ANKRD26: variants seen among roughly 807,000 people sequenced by gnomAD.
ANKRD26 encodes ankyrin repeat domain-containing protein 26.
In ANKRD26, 141 loss-of-function variants were observed where a neutral mutation model predicts 208.7. The ratio of observed to expected loss-of-function variants is 0.68; its 90% CI spans 0.59 to 0.78. The LOEUF (loss-of-function observed/expected upper bound fraction) is 0.78, where lower values mean the gene tolerates loss of function less well. ANKRD26 is among the 30% of genes least tolerant of loss of function. ANKRD26 has a pLI of 0.00. For synonymous variants in ANKRD26, 636 were observed against 660.4 expected (o/e 0.96, Z 0.57); for missense variants, 1,889 against 1,938.7 (o/e 0.97, Z 0.48).
At chr10:27,092,661 G>C in intron 3 of ANKRD26, 149 bp from the exon 4 acceptor site, 1 of 669,198 alleles carries the variant, frequency 1.5e-6, no homozygotes, top group Non-Finnish European at 2.6e-6. Context: ...CCCCTCCTCT[G>C]CCTCACCACA....
In ANKRD26 at chr10:27,077,545, A is replaced by C. The variant is rs1298014649; in HGVS notation, c.875-5T>G. 4 of 1,613,452 alleles carry C rather than the reference A, an allele frequency of 2.5e-6. No individual in the cohort carries two copies. The highest frequency in any genetic ancestry group is 3.4e-6 in the Non-Finnish European group (4 of 1,179,438). Reference sequence around the variant, plus strand: ...CAGTGCCATATGTTGCTTCTACTACAGTAAAAACAAAATAAAGAGTAAATG... The same window carrying C: ...CAGTGCCATATGTTGCTTCTACTACCGTAAAAACAAAATAAAGAGTAAATG... On this transcript the variant is annotated splice_region_variant and splice_polypyrimidine_tract_variant and intron_variant, in intron 8 of 33. Transcript: ENST00000376087.
At chr10:27,088,602 C>A (rs1334581173) in intron 4 of ANKRD26, among the ~76,000 whole-genome samples, 7 of 152,120 alleles carry the variant, frequency 4.6e-5, no homozygotes, top group Non-Finnish European at 7.3e-5. Context: ...GGGAGATTTT[C>A]ATTATGAAAA....
rs1454901004 is a variant in ANKRD26, at chr10:27,100,199, C to G, written c.128G>C (p.Arg43Pro). 5 of 1,613,804 alleles carry G rather than the reference C, an allele frequency of 3.1e-6. No individual in the cohort carries two copies. Among genetic ancestry groups the G allele is most frequent in the Middle Eastern group, 1.6e-4 (1 of 6,062 alleles). Residue 43 changes from arginine (R) to proline (P), a missense_variant, in exon 1 of 34, where the codon CGA becomes CCA. By Grantham distance (103) the Arg-to-Pro change is moderately radical (BLOSUM62 -2). Transcript: ENST00000376087. Reference protein sequence around the residue: ...GAYSQPGYHVRDRDLGKIHKA... With the variant: ...GAYSQPGYHVPDRDLGKIHKA... ...GTGGATCTTGCCGAGATCTCGGTCTCGGACGTGGTAGCCGGGCTGCGAGTA... is the reference window on the plus strand; with the variant it reads ...GTGGATCTTGCCGAGATCTCGGTCTGGGACGTGGTAGCCGGGCTGCGAGTA...
At chr10:27,089,315 G>T (rs1369152728) in intron 4 of ANKRD26, among the ~76,000 whole-genome samples, 1 of 152,192 alleles carries the variant, frequency 6.6e-6, no homozygotes, top group Non-Finnish European at 1.5e-5. Flanking sequence ...CATAGCAGAT[G>T]GCCCCCAGGG....
chr10:27,057,553 C>G (rs1322722162), intron 15 of ANKRD26, among the ~76,000 whole-genome samples: 1 of 152,136 alleles, frequency 6.6e-6, no homozygotes, highest in Non-Finnish European at 1.5e-5. Flanking sequence ...TAAATAAAAA[C>G]TTATTACAAT....
rs2052812749 is a variant in ANKRD26 at position 27,004,777 on chromosome 10, CT to C, written c.*812del. 1.3e-5 allele frequency: 2 copies of C among 152,326 alleles called. No individual in the cohort carries two copies. The highest frequency in any genetic ancestry group is 4.8e-5 in the African/African-American group (2 of 41,306). The allele number at this position is 152,326 out of a possible 1,614,324, so 9.4% of individuals were successfully genotyped here. On this transcript the variant is annotated 3_prime_UTR_variant, in exon 34 of 34. Transcript: ENST00000376087. ...GAGGAACTGTTCCAGACTGAAAGAT[CT>C]AACAGATACAACAACTAAATACAAG...
intron 9 of ANKRD26, among the ~76,000 whole-genome samples, chr10:27,067,902 G>C (rs2055324090): frequency 6.6e-6 from 1 of 152,138 alleles, no homozygotes; most frequent in Non-Finnish European, 1.5e-5. Flanking sequence ...ATAAACAGAA[G>C]ACAGATTCTG....
the ANKRD26 span, among the ~76,000 whole-genome samples, chr10:26,963,251 C>A: frequency 2.0e-5 from 3 of 152,180 alleles, no homozygotes; most frequent in Non-Finnish European, 4.4e-5. Context: ...CTTTTCACAT[C>A]ACCCACAATC....
intron 24 of ANKRD26, 113 bp from the exon 25 acceptor site, chr10:27,033,490 AC>A: frequency 9.4e-7 from 1 of 1,064,222 alleles, no homozygotes; most frequent in Non-Finnish European, 1.4e-6. Context: ...AAAAAATATT[AC>A]CACATACATT....
chr10:27,037,852 T>G lies in ANKRD26; in HGVS notation c.2559+19A>C. 1 of 1,565,062 alleles carries G rather than the reference T, an allele frequency of 6.4e-7. No homozygotes were observed. Among genetic ancestry groups the G allele is most frequent in the Non-Finnish European group, 8.7e-7 (1 of 1,146,132 alleles). ...AAATAAAGTTAAAAATATAAAATTT[T>G]TATCAAAAATTAATTTACCTGATTC... On this transcript the variant is annotated intron_variant, in intron 22 of 33. Coordinates refer to ENST00000376087, the MANE Select transcript of ANKRD26 (RefSeq NM_014915.3).
chr10:27,075,778 C>T (rs189366522), intron 9 of ANKRD26, among the ~76,000 whole-genome samples: 4 of 152,292 alleles, frequency 2.6e-5, no homozygotes, highest in Admixed American at 1.3e-4. Flanking sequence ...AAACATTCTA[C>T]CTGAGAACTG....
At chr10:27,002,052 C>T (rs190407141), downstream of ANKRD26, among the ~76,000 whole-genome samples, 25 of 152,146 alleles carry the variant, frequency 1.6e-4, no homozygotes, top group East Asian at 2.3e-3. Flanking sequence ...GGCAACCATA[C>T]GGGGGAAAGG....
downstream of ANKRD26, among the ~76,000 whole-genome samples, chr10:26,972,344 G>C (rs904296321): frequency 1.8e-4 from 28 of 151,590 alleles, no homozygotes; most frequent in Non-Finnish European, 3.5e-4. Context: ...AATAAGTTAG[G>C]AATTATAATT....
chr10:27,057,650 T>C (rs2054884266), intron 15 of ANKRD26, among the ~76,000 whole-genome samples: 1 of 152,156 alleles, frequency 6.6e-6, no homozygotes, highest in South Asian at 2.1e-4. Context: ...GACAAAATGA[T>C]GGCCTTGGCC....
chr10:27,065,447 A>T (rs1211136060), intron 11 of ANKRD26, among the ~76,000 whole-genome samples: 1 of 152,166 alleles, frequency 6.6e-6, no homozygotes, highest in Non-Finnish European at 1.5e-5. Context: ...GTAACTGTCT[A>T]CTGAAACTTA....
chr10:27,037,066 T>C, intron 23 of ANKRD26, 120 bp downstream of exon 23: 2 of 1,009,184 alleles, frequency 2.0e-6, no homozygotes, highest in Non-Finnish European at 2.9e-6. Context: ...AAGATACACA[T>C]ATATGGTTTA....
Position 27,080,154 on chromosome 10 carries a change from C to T in ANKRD26, c.741-993G>A, listed in dbSNP as rs769167131. On this transcript the variant is annotated intron_variant, in intron 6 of 33. Transcript: ENST00000376087. Reference sequence around the variant, plus strand: ...CCTGGGCAACAGTGCAAGACTTTGTCTCAAAAAAAATAAAATAAAATAAAA... The same window carrying T: ...CCTGGGCAACAGTGCAAGACTTTGTTTCAAAAAAAATAAAATAAAATAAAA... 3 of 174,454 alleles carry T rather than the reference C, an allele frequency of 1.7e-5. No homozygotes were observed. The South Asian group carries it at 3.0e-4, about 18-fold the overall frequency. The allele number at this position is 174,454 out of a possible 1,614,324, so 10.8% of individuals were successfully genotyped here.
At chr10:26,982,494 T>A (rs928718886) in intron 4 of ANKRD26, among the ~76,000 whole-genome samples, 7 of 152,094 alleles carry the variant, frequency 4.6e-5, no homozygotes, top group Non-Finnish European at 7.4e-5. Context: ...GGATTTTTCT[T>A]TTATGAGCTG....
intron 30 of ANKRD26, among the ~76,000 whole-genome samples, chr10:27,015,062 TAAGA>T (rs1243662750): frequency 2.6e-5 from 4 of 152,156 alleles, no homozygotes; most frequent in Non-Finnish European, 5.9e-5. Flanking sequence ...AAGGAAAACC[TAAGA>T]AAGAAAATGA....
Sources: gnomAD v4.1 joint callset for allele counts (sites outside exome capture counted in the v4.1 genomes callset) on GRCh38, gnomAD v4.1.1 for gene constraint, MANE v1.5 for transcripts, NCBI Gene and HGNC (gene_info 2026-07-23, HGNC 2026-07-21) for gene names.